The following ROBO2 variants were observed in gnomAD, a reference collection of about 807,000 sequenced individuals.
ROBO2 encodes roundabout guidance receptor 2, also known as roundabout homolog 2.
A neutral mutation model predicts 160.8 loss-of-function variants in ROBO2; 53 were observed. The ratio of observed to expected loss-of-function variants is 0.33; its 90% CI spans 0.26 to 0.41. The LOEUF (loss-of-function observed/expected upper bound fraction) is 0.41, where lower values mean the gene tolerates loss of function less well. Ranked by LOEUF, ROBO2 falls within the 10% of genes least tolerant of loss-of-function variation. The probability of loss-of-function intolerance (pLI) is 1.00; values close to 1 mark genes in which losing one functional copy is unlikely to be tolerated. For synonymous variants in ROBO2, 664 were observed against 611.7 expected (o/e 1.09, Z -1.26); for missense variants, 1,577 against 1,722.4 (o/e 0.92, Z 1.49).
intron 2 of ROBO2, among the ~76,000 whole-genome samples, chr3:76,654,913 G>GTGTATATATATATATA (rs536883164): frequency 2.4e-4 from 18 of 74,182 alleles, no homozygotes; most frequent in African/African-American, 5.8e-4. Flanking sequence ...ATATGTGTGT[G>GTGTATATATATATATA]TATATATATA....
chr3:77,378,593 C>A (rs1364949039), intron 2 of ROBO2, among the ~76,000 whole-genome samples: 2 of 152,116 alleles, frequency 1.3e-5, no homozygotes, highest in African/African-American at 2.4e-5. Flanking sequence ...GAACCCAAAT[C>A]TGACATCAAA....
At chr3:76,932,931 A>G (rs1452639662) in intron 2 of ROBO2, among the ~76,000 whole-genome samples, 1 of 151,708 alleles carries the variant, frequency 6.6e-6, no homozygotes, top group Non-Finnish European at 1.5e-5. Context: ...TATCCTTGTT[A>G]TTCAAGCCTG....
intron 2 of ROBO2, chr3:76,434,832 A>G (rs2076596415): frequency 1.3e-6 from 2 of 1,554,268 alleles, no homozygotes; most frequent in Admixed American, 3.3e-5. Context: ...ATCTGATGAC[A>G]TGAAGACTCA....
Position 76,239,473 on chromosome 3 carries a change from T to A in ROBO2, c.109+301871T>A, listed in dbSNP as rs147918651. Among the ~76,000 whole-genome samples the A allele has an allele frequency of 3.6e-3, 542 of 152,138 alleles. 3 individuals carry two copies. Among genetic ancestry groups the A allele is most frequent in the Non-Finnish European group, 5.8e-3 (395 of 67,988 alleles). Reference sequence around the variant, plus strand: ...AGTTGCCTTGATGAATTTATTTGGGTGTAGGTTCAAACCAAGCAACTATTG... The same window carrying A: ...AGTTGCCTTGATGAATTTATTTGGGAGTAGGTTCAAACCAAGCAACTATTG... On this transcript the variant is annotated intron_variant, in intron 2 of 26. Coordinates refer to the ROBO2 transcript ENST00000487694.
chr3:77,179,871 C>T lies in ROBO2; in HGVS notation c.388+81531C>T, dbSNP rs777126959. Among the ~76,000 whole-genome samples, 8 of 152,138 alleles carry T rather than the reference C, an allele frequency of 5.3e-5. No individual in the cohort carries two copies. In the South Asian group the frequency reaches 1.7e-3, roughly 32 times the overall value. On this transcript the variant is annotated intron_variant, in intron 2 of 25. Coordinates refer to ENST00000461745, the Ensembl canonical transcript of ROBO2. ...TACAAGTTGCGGTTCTGGATGTACTCTGTTAAGGAGATAGTTTCATGAACA... is the reference window on the plus strand; with the variant it reads ...TACAAGTTGCGGTTCTGGATGTACTTTGTTAAGGAGATAGTTTCATGAACA...
At chr3:76,333,636 C>G (rs1015112478) in intron 2 of ROBO2, among the ~76,000 whole-genome samples, 1 of 152,068 alleles carries the variant, frequency 6.6e-6, no homozygotes, top group African/African-American at 2.4e-5. Context: ...AGGTTTTAGT[C>G]AAAAGTTTCT....
At chr3:76,262,072 C>T (rs568671058) in intron 2 of ROBO2, among the ~76,000 whole-genome samples, 2 of 152,122 alleles carry the variant, frequency 1.3e-5, no homozygotes, top group South Asian at 4.1e-4. Flanking sequence ...TGAATTGTCA[C>T]ATTGTTCTAA....
chr3:77,588,933 G>A, exon 17 of ROBO2: 1 of 1,612,976 alleles, frequency 6.2e-7, no homozygotes, highest in Non-Finnish European at 8.5e-7. Flanking sequence ...TAATTATGCT[G>A]GTAAGTGACT....
At chr3:77,494,219 T>C (rs2086499778) in intron 5 of ROBO2, among the ~76,000 whole-genome samples, 1 of 152,140 alleles carries the variant, frequency 6.6e-6, no homozygotes, top group Non-Finnish European at 1.5e-5. Flanking sequence ...CCATCATGCA[T>C]TCTCCAATTA....
At chr3:77,457,528 A>C (rs1204087344) in intron 2 of ROBO2, among the ~76,000 whole-genome samples, 5 of 152,136 alleles carry the variant, frequency 3.3e-5, no homozygotes. Context: ...ATGGTTATTC[A>C]CTAAGAATTG....
intron 2 of ROBO2, among the ~76,000 whole-genome samples, chr3:76,934,301 C>A (rs145289198): frequency 6.6e-6 from 1 of 151,768 alleles, no homozygotes; most frequent in South Asian, 2.1e-4. Context: ...TCTTTCAAAA[C>A]GTGATGATTC....
intron 2 of ROBO2, among the ~76,000 whole-genome samples, chr3:76,784,408 G>A (rs1008694188): frequency 1.3e-5 from 2 of 151,076 alleles, no homozygotes; most frequent in African/African-American, 4.8e-5. Context: ...GCAAAGCCAG[G>A]CTTGGTGCTG....
chr3:77,163,772 C>T (rs1319352680), intron 2 of ROBO2, among the ~76,000 whole-genome samples: 1 of 152,122 alleles, frequency 6.6e-6, no homozygotes, highest in East Asian at 1.9e-4. Flanking sequence ...ACTGAATACT[C>T]ATGGTTTATA....
chr3:76,581,017 G>T lies in ROBO2; in HGVS notation c.110-516997G>T, dbSNP rs139492889. 3.7e-4 allele frequency among the ~76,000 whole-genome samples: 57 copies of T among 152,280 alleles called. No homozygotes were observed. The East Asian group carries it at 0.011, about 29-fold the overall frequency. ...AGAAGTCATTTGCTTAGTGATTGTG[G>T]TTGATCAGATAAAGCTTTCAAAATA... On this transcript the variant is annotated intron_variant, in intron 2 of 26. Transcript: ENST00000487694.
chr3:76,915,389 G>A (rs1053632568), intron 2 of ROBO2, among the ~76,000 whole-genome samples: 49 of 152,234 alleles, frequency 3.2e-4, no homozygotes, highest in African/African-American at 1.1e-3. Context: ...GGCCAGGTGC[G>A]GTGGCTCACA....
chr3:77,040,684 G>A, exon 1 of ROBO2: 14 of 1,603,982 alleles, frequency 8.7e-6, no homozygotes, highest in Non-Finnish European at 1.1e-5. Context: ...ATCTAGGAAA[G>A]TCTAAACTTT....
At chr3:77,293,429 G>A (rs931475870) in intron 2 of ROBO2, among the ~76,000 whole-genome samples, 1 of 149,138 alleles carries the variant, frequency 6.7e-6, no homozygotes, top group Admixed American at 6.6e-5. Context: ...CGGGTAAGCT[G>A]AGGCTAGATC....
intron 2 of ROBO2, among the ~76,000 whole-genome samples, chr3:76,839,151 A>T (rs568313979): frequency 6.9e-4 from 105 of 152,274 alleles, no homozygotes; most frequent in Non-Finnish European, 1.2e-3. Context: ...TACTTTCTAG[A>T]ATAGAAAAAG....
chr3:76,863,937 C>T (rs1332826606), intron 2 of ROBO2, among the ~76,000 whole-genome samples: 1 of 151,956 alleles, frequency 6.6e-6, no homozygotes, highest in African/African-American at 2.4e-5. Context: ...AAAAGGCAAT[C>T]CTGATGAGAA....
Sources: allele counts gnomAD v4.1 joint callset (sites outside exome capture counted in the v4.1 genomes callset), GRCh38; gene constraint gnomAD v4.1.1; transcripts MANE v1.5; gene names NCBI Gene and HGNC (gene_info 2026-07-23, HGNC 2026-07-21).